The following WHRN variants were observed in gnomAD, a reference collection of about 807,000 sequenced individuals.
WHRN encodes the protein CASK-interacting protein CIP98.
Under a neutral mutation model 68.3 loss-of-function variants are expected in WHRN, and 41 were observed. That is an observed-to-expected ratio of 0.60 (90% CI 0.47 to 0.78). WHRN has a LOEUF of 0.78. WHRN is among the 30% of genes least tolerant of loss of function. The probability of loss-of-function intolerance (pLI) is 0.00; values close to 1 mark genes in which losing one functional copy is unlikely to be tolerated. For synonymous variants in WHRN, 560 were observed against 561.3 expected (o/e 1.00, Z 0.03); for missense variants, 1,243 against 1,244.7 (o/e 1.00, Z 0.02).
chr9:114,451,021 T>C (rs1482220735), intron 3 of WHRN, among the ~76,000 whole-genome samples: 1 of 152,114 alleles, frequency 6.6e-6, no homozygotes. Context: ...TAGCTAACTA[T>C]CCCTTCTTGC....
intron 1 of WHRN, among the ~76,000 whole-genome samples, chr9:114,499,379 T>G (rs1183600902): frequency 6.6e-6 from 1 of 152,188 alleles, no homozygotes; most frequent in Non-Finnish European, 1.5e-5. Context: ...CTCAGGAATT[T>G]AAAAAAGAAG....
chr9:114,501,750 G>T (rs920722518), intron 1 of WHRN, among the ~76,000 whole-genome samples: 1 of 152,144 alleles, frequency 6.6e-6, no homozygotes, highest in African/African-American at 2.4e-5. Context: ...GGTGAAATTT[G>T]AATGAAGTCT....
intron 7 of WHRN, 90 bp from the exon 8 acceptor site, chr9:114,408,108 T>C: frequency 9.9e-7 from 1 of 1,014,784 alleles, no homozygotes; most frequent in East Asian, 2.6e-5. Flanking sequence ...TGAGGAAGTC[T>C]TAGGACACCT....
At chr9:114,436,863 T>C (rs1241461222) in intron 3 of WHRN, among the ~76,000 whole-genome samples, 2 of 151,572 alleles carry the variant, frequency 1.3e-5, no homozygotes, top group African/African-American at 4.8e-5. Context: ...TAAATCAATT[T>C]TAAAACATAA....
intron 1 of WHRN, among the ~76,000 whole-genome samples, chr9:114,495,133 C>T (rs955349137): frequency 1.3e-5 from 2 of 152,254 alleles, no homozygotes; most frequent in Admixed American, 1.3e-4. Context: ...ACTTGGGGAA[C>T]AGGACTGCTG....
intron 1 of WHRN, among the ~76,000 whole-genome samples, chr9:114,499,970 A>T (rs1201759593): frequency 1.2e-4 from 3 of 24,378 alleles, no homozygotes; most frequent in African/African-American, 3.0e-4. Flanking sequence ...TTTCTATAAA[A>T]ATACCGATTT....
chr9:114,424,946 A>T, intron 5 of WHRN, 42 bp downstream of exon 5: 1 of 1,597,112 alleles, frequency 6.3e-7, no homozygotes, highest in Non-Finnish European at 8.6e-7. Flanking sequence ...TCACTCAGGG[A>T]GCTGTGAGGA....
At chr9:114,446,687 G>A (rs567722066) in intron 3 of WHRN, among the ~76,000 whole-genome samples, 3 of 152,206 alleles carry the variant, frequency 2.0e-5, no homozygotes, top group Admixed American at 2.0e-4. Context: ...AGGTTTTTGG[G>A]CCAAAAGCTC....
intron 3 of WHRN, among the ~76,000 whole-genome samples, chr9:114,451,359 C>T (rs76195992): frequency 1.1e-3 from 168 of 152,246 alleles, no homozygotes; most frequent in African/African-American, 3.9e-3. Context: ...CATTGAGTCT[C>T]GGGTTCTTTA....
chr9:114,483,770 A>G (rs1842276722), intron 1 of WHRN, among the ~76,000 whole-genome samples: 2 of 152,234 alleles, frequency 1.3e-5, no homozygotes, highest in Admixed American at 1.3e-4. Context: ...GGCAATGAGC[A>G]GGTTGGACCT....
intron 2 of WHRN, chr9:114,478,328 T>C (rs1268623346): frequency 2.8e-6 from 2 of 715,410 alleles, no homozygotes; most frequent in Non-Finnish European, 5.2e-6. Flanking sequence ...AATCACAGTA[T>C]TTAAGCTCTT....
chr9:114,455,281 A>T (rs1457614401), intron 3 of WHRN, among the ~76,000 whole-genome samples: 1 of 152,124 alleles, frequency 6.6e-6, no homozygotes, highest in Non-Finnish European at 1.5e-5. Context: ...TGCAGCAGCT[A>T]GATCTCGGCT....
At chr9:114,503,045 T>A in intron 1 of WHRN, 1 of 834,016 alleles carries the variant, frequency 1.2e-6, no homozygotes, top group Non-Finnish European at 1.4e-6. Context: ...GTTGATGGGC[T>A]GGGAAGCAAA....
intron 1 of WHRN, among the ~76,000 whole-genome samples, chr9:114,480,602 C>A (rs976260510): frequency 6.6e-6 from 1 of 152,132 alleles, no homozygotes; most frequent in African/African-American, 2.4e-5. Context: ...GACTTCTGGA[C>A]TCCAGAACTG....
Position 114,424,363 on chromosome 9 carries a change from G to A in WHRN, c.1387C>T (p.Leu463=). Residue 463 remains leucine (L), a synonymous_variant, in exon 6 of 12, where the codon CTG becomes TTG. Coordinates refer to ENST00000362057, the MANE Select transcript of WHRN (RefSeq NM_015404.4). ...GCGTGGGTGTTGAGCAGCTTGAACA[G>A]GGCCATGACGAGGGCCTCCACAGAG... ...SVSVEALVMA[L]FKLLNTHAKF... The A allele has an allele frequency of 6.2e-6, 10 of 1,612,336 alleles. No homozygotes were observed. The highest frequency in any genetic ancestry group is 1.3e-5 in the African/African-American group (1 of 75,000).
intron 3 of WHRN, among the ~76,000 whole-genome samples, chr9:114,432,266 T>C (rs559541206): frequency 9.2e-5 from 14 of 152,268 alleles, no homozygotes; most frequent in African/African-American, 3.4e-4. Context: ...TTCCCTGAAA[T>C]TGGCCAACCA....
chr9:114,451,148 T>C (rs1330472140), intron 3 of WHRN, among the ~76,000 whole-genome samples: 1 of 152,138 alleles, frequency 6.6e-6, no homozygotes. Context: ...AGCACTGGAT[T>C]TGGGGTCAGA....
chr9:114,415,036 C>T (rs1205293141), intron 7 of WHRN, among the ~76,000 whole-genome samples: 5 of 152,154 alleles, frequency 3.3e-5, no homozygotes, highest in Non-Finnish European at 7.4e-5. Flanking sequence ...GTGGCTCACA[C>T]CTGTAATCCT....
At chr9:114,434,058 G>C (rs1443477244) in intron 3 of WHRN, among the ~76,000 whole-genome samples, 3 of 152,224 alleles carry the variant, frequency 2.0e-5, no homozygotes, top group Non-Finnish European at 4.4e-5. Flanking sequence ...GGTCAAACCT[G>C]AGTTCTTCCC....
Sources: gnomAD v4.1 joint callset for allele counts (sites outside exome capture counted in the v4.1 genomes callset) on GRCh38, gnomAD v4.1.1 for gene constraint, MANE v1.5 for transcripts, NCBI Gene and HGNC (gene_info 2026-07-23, HGNC 2026-07-21) for gene names.